HEMK2: variants seen among roughly 807,000 people sequenced by gnomAD.
HEMK2 encodes the protein HemK methyltransferase 2, ETF1 glutamine and histone H4 lysine, also known as methyltransferase HEMK2.
chr21:28,703,791 G>A, the HEMK2 span, among the ~76,000 whole-genome samples: 136 of 152,226 alleles, frequency 8.9e-4, no homozygotes, highest in South Asian at 0.022. Flanking sequence ...CATTCGTCCC[G>A]TGTAAAATTT....
the HEMK2 span, among the ~76,000 whole-genome samples, chr21:28,612,096 C>A: frequency 1.3e-5 from 2 of 151,354 alleles, no homozygotes; most frequent in African/African-American, 4.9e-5. Context: ...CACCCTAACA[C>A]CAAAACCAGG....
At chr21:28,832,914 T>C in the HEMK2 span, among the ~76,000 whole-genome samples, 1 of 149,880 alleles carries the variant, frequency 6.7e-6, no homozygotes, top group Non-Finnish European at 1.5e-5. Context: ...GCTAAAGACT[T>C]TGTCTTATTT....
At chr21:28,665,387 A>ATTTTTTTTTTTTTTTTTTTT in the HEMK2 span, among the ~76,000 whole-genome samples, 4 of 14,416 alleles carry the variant, frequency 2.8e-4, no homozygotes, top group African/African-American at 7.6e-4. Context: ...TTTTTTTTTA[A>ATTTTTTTTTTTTTTTTTTTT]TTTTTTTTTT....
At chr21:28,801,793 G>A in the HEMK2 span, among the ~76,000 whole-genome samples, 8 of 152,062 alleles carry the variant, frequency 5.3e-5, no homozygotes, top group Non-Finnish European at 1.2e-4. Context: ...TGAAACATAC[G>A]AGAGAATGTT....
chr21:28,771,522 C>CCCCCCCCCCCG, the HEMK2 span, among the ~76,000 whole-genome samples: 1 of 119,162 alleles, frequency 8.4e-6, no homozygotes, highest in African/African-American at 2.9e-5. Flanking sequence ...TGCACCACCC[C>CCCCCCCCCCCG]CCCCCGCCAA....
At chr21:28,666,068 T>C in the HEMK2 span, among the ~76,000 whole-genome samples, 1 of 152,230 alleles carries the variant, frequency 6.6e-6, no homozygotes, top group South Asian at 2.1e-4. Context: ...TCTAAATTGA[T>C]TATGCATGAT....
the HEMK2 span, among the ~76,000 whole-genome samples, chr21:28,707,147 T>C: frequency 6.6e-6 from 1 of 152,218 alleles, no homozygotes. Flanking sequence ...TAAATATTTA[T>C]TAGTTTTAAA....
the HEMK2 span, among the ~76,000 whole-genome samples, chr21:28,619,153 T>C: frequency 7.2e-5 from 11 of 152,174 alleles, no homozygotes; most frequent in African/African-American, 2.7e-4. Flanking sequence ...GAGTGGATTC[T>C]TCCCTCGCAG....
the HEMK2 span, among the ~76,000 whole-genome samples, chr21:28,650,463 A>G: frequency 6.6e-6 from 1 of 152,184 alleles, no homozygotes; most frequent in South Asian, 2.1e-4. Flanking sequence ...GGTCATGGAA[A>G]GGAATAGAGA....
At chr21:28,808,834 T>G in the HEMK2 span, among the ~76,000 whole-genome samples, 3 of 152,264 alleles carry the variant, frequency 2.0e-5, no homozygotes, top group South Asian at 6.2e-4. Flanking sequence ...TTTTCCTGTC[T>G]GCTCTTTATA....
the HEMK2 span, among the ~76,000 whole-genome samples, chr21:28,625,852 C>A: frequency 6.6e-6 from 1 of 151,908 alleles, no homozygotes; most frequent in South Asian, 2.1e-4. Flanking sequence ...ATGAAGATCA[C>A]CAGAAATGTA....
At chr21:28,732,744 T>A in the HEMK2 span, among the ~76,000 whole-genome samples, 2 of 152,092 alleles carry the variant, frequency 1.3e-5, no homozygotes, top group Non-Finnish European at 2.9e-5. Context: ...ACCCAAATCA[T>A]CTGAGATTCT....
the HEMK2 span, among the ~76,000 whole-genome samples, chr21:28,747,589 C>G: frequency 6.6e-6 from 1 of 152,214 alleles, no homozygotes; most frequent in South Asian, 2.1e-4. Flanking sequence ...ACCCCACTAC[C>G]TGTTTAAAAT....
the HEMK2 span, among the ~76,000 whole-genome samples, chr21:28,602,976 G>A: frequency 9.2e-5 from 14 of 152,220 alleles, no homozygotes; most frequent in African/African-American, 2.9e-4. Context: ...CCTGACACTC[G>A]TCTTAGGACA....
chr21:28,804,827 G>A, the HEMK2 span, among the ~76,000 whole-genome samples: 1 of 152,194 alleles, frequency 6.6e-6, no homozygotes, highest in Non-Finnish European at 1.5e-5. Context: ...GGGCTGGGAA[G>A]AAAAGCAGCA....
At chr21:28,618,417 T>C in the HEMK2 span, among the ~76,000 whole-genome samples, 1 of 152,348 alleles carries the variant, frequency 6.6e-6, no homozygotes, top group South Asian at 2.1e-4. Context: ...GCTCATATGT[T>C]GACACATAGT....
chr21:28,654,075 G>A, the HEMK2 span, among the ~76,000 whole-genome samples: 4 of 152,118 alleles, frequency 2.6e-5, no homozygotes, highest in Admixed American at 1.3e-4. Flanking sequence ...ATTGTCAAAT[G>A]AGCAGAAAGT....
the HEMK2 span, among the ~76,000 whole-genome samples, chr21:28,602,071 G>A: frequency 4.8e-3 from 726 of 152,158 alleles, 6 homozygotes; most frequent in African/African-American, 0.016. Context: ...GAAGAATTTC[G>A]GCTTCCTAAA....
chr21:28,651,357 G>T, the HEMK2 span, among the ~76,000 whole-genome samples: 1 of 152,036 alleles, frequency 6.6e-6, no homozygotes, highest in Non-Finnish European at 1.5e-5. Flanking sequence ...TGATTTAGAA[G>T]AAAAACTATA....
Sources: allele counts gnomAD v4.1 joint callset (sites outside exome capture counted in the v4.1 genomes callset), GRCh38; gene constraint gnomAD v4.1.1; transcripts MANE v1.5; gene names NCBI Gene and HGNC (gene_info 2026-07-23, HGNC 2026-07-21).